Variants in AGBL4 observed in about 807,000 individuals in gnomAD.
AGBL4 encodes the protein cytosolic carboxypeptidase 6.
Under a neutral mutation model 66.4 loss-of-function variants are expected in AGBL4, and 58 were observed. The observed-to-expected ratio is 0.87, with a 90% confidence interval of 0.71 to 1.09. The LOEUF (loss-of-function observed/expected upper bound fraction) is 1.09, where lower values mean the gene tolerates loss of function less well. Ranked by LOEUF, AGBL4 falls within the 50% of genes least tolerant of loss-of-function variation. AGBL4 has a pLI of 0.00. For missense variants in AGBL4, 579 were observed against 631.0 expected, an observed-to-expected ratio of 0.92 and a Z score of 0.88; for synonymous variants, 234 against 222.9, an observed-to-expected ratio of 1.05 and a Z score of -0.44.
At chr1:49,751,505 G>C (rs117916581) in intron 2 of AGBL4, among the ~76,000 whole-genome samples, 5 of 152,102 alleles carry the variant, frequency 3.3e-5, no homozygotes, top group African/African-American at 1.2e-4. Flanking sequence ...GAGGATTTTC[G>C]CATAGAGATT....
At chr1:49,861,038 G>A (rs1434304607) in intron 1 of AGBL4, among the ~76,000 whole-genome samples, 1 of 152,138 alleles carries the variant, frequency 6.6e-6, no homozygotes, top group Non-Finnish European at 1.5e-5. Context: ...ACTCAGTGCT[G>A]TTCTGTTAGA....
intron 3 of AGBL4, among the ~76,000 whole-genome samples, chr1:49,291,746 G>A (rs1644537793): frequency 6.6e-6 from 1 of 152,220 alleles, no homozygotes; most frequent in Non-Finnish European, 1.5e-5. Context: ...CCTGTCTGGA[G>A]TGGCTGCTGC....
In AGBL4 at chr1:49,660,126, T is replaced by G. The variant is rs371418496; in HGVS notation, c.282+37187A>C. On this transcript the variant is annotated intron_variant, in intron 3 of 13. Coordinates refer to ENST00000371839, the MANE Select transcript of AGBL4 (RefSeq NM_032785.4). The stretch of plus-strand genomic sequence containing the variant: ...TAGGAGCTAATTAAACTAAAGTGCT[T>G]CTGCACAGCAAAAGAAACTATATCA... Among the ~76,000 whole-genome samples the G allele has an allele frequency of 3.3e-4, 50 of 152,244 alleles. 1 individual carries two copies. In the South Asian group the frequency reaches 9.5e-3, roughly 29 times the overall value.
the AGBL4 span, among the ~76,000 whole-genome samples, chr1:48,524,982 T>C: frequency 6.6e-6 from 1 of 152,098 alleles, no homozygotes; most frequent in Non-Finnish European, 1.5e-5. Flanking sequence ...TGTGAACTTC[T>C]GGAGGGAGAG....
intron 1 of AGBL4, among the ~76,000 whole-genome samples, chr1:49,965,786 A>C (rs974449879): frequency 1.3e-5 from 2 of 152,168 alleles, no homozygotes; most frequent in South Asian, 2.1e-4. Flanking sequence ...TGCTTCTTTG[A>C]CAGCTTTGTT....
At chr1:49,940,718 G>A (rs1419971173) in intron 1 of AGBL4, among the ~76,000 whole-genome samples, 3 of 152,006 alleles carry the variant, frequency 2.0e-5, no homozygotes, top group African/African-American at 7.2e-5. Flanking sequence ...GGGGTATGGG[G>A]GAGGGATAGC....
At chr1:49,228,420 G>A (rs1194076467) in intron 4 of AGBL4, among the ~76,000 whole-genome samples, 1 of 152,176 alleles carries the variant, frequency 6.6e-6, no homozygotes, top group Non-Finnish European at 1.5e-5. Context: ...GAGCAATAAT[G>A]GTGAGGTGGA....
intron 6 of AGBL4, among the ~76,000 whole-genome samples, chr1:48,772,996 T>C (rs1319484688): frequency 1.8e-4 from 28 of 152,076 alleles, no homozygotes; most frequent in Admixed American, 1.8e-3. Context: ...AAATCCTACA[T>C]AGCAGGACAT....
chr1:49,396,270 C>T (rs781321775), intron 3 of AGBL4, among the ~76,000 whole-genome samples: 100 of 151,346 alleles, frequency 6.6e-4, no homozygotes, highest in East Asian at 3.1e-3. Flanking sequence ...CAGGGAAATA[C>T]GCAAACATCC....
intron 6 of AGBL4, among the ~76,000 whole-genome samples, chr1:48,768,918 G>C (rs1338009796): frequency 6.6e-6 from 1 of 152,130 alleles, no homozygotes; most frequent in Non-Finnish European, 1.5e-5. Flanking sequence ...ATCCAAGGCA[G>C]ACAAAATTCT....
intron 1 of AGBL4, among the ~76,000 whole-genome samples, chr1:50,012,999 C>A (rs1222397445): frequency 6.6e-6 from 1 of 152,124 alleles, no homozygotes; most frequent in African/African-American, 2.4e-5. Flanking sequence ...TTACAACACC[C>A]ATTGTCTCAG....
intron 3 of AGBL4, among the ~76,000 whole-genome samples, chr1:49,436,247 G>A (rs760156059): frequency 1.2e-4 from 18 of 152,140 alleles, no homozygotes; most frequent in Non-Finnish European, 2.2e-4. Context: ...CTAGAAGTCG[G>A]TAAGTATAAC....
intron 11 of AGBL4, among the ~76,000 whole-genome samples, chr1:48,560,909 C>T (rs1644386725): frequency 6.6e-6 from 1 of 152,074 alleles, no homozygotes; most frequent in African/African-American, 2.4e-5. Flanking sequence ...AGCTCTCATT[C>T]TTCATTTCTT....
intron 3 of AGBL4, among the ~76,000 whole-genome samples, chr1:49,559,864 T>C (rs1345940774): frequency 1.3e-5 from 2 of 152,168 alleles, no homozygotes; most frequent in African/African-American, 4.8e-5. Flanking sequence ...AATTGTACTT[T>C]GTGATAGTGT....
chr1:49,532,350 C>T (rs929787470), intron 3 of AGBL4, among the ~76,000 whole-genome samples: 48 of 152,006 alleles, frequency 3.2e-4, no homozygotes, highest in African/African-American at 1.1e-3. Context: ...CAAATGGATA[C>T]AAAAGAGCTG....
chr1:49,556,472 C>G (rs1337971827), intron 3 of AGBL4, among the ~76,000 whole-genome samples: 1 of 151,308 alleles, frequency 6.6e-6, no homozygotes, highest in African/African-American at 2.4e-5. Flanking sequence ...CAAACCTGCA[C>G]ATTGTGCACA....
chr1:49,417,947 C>T (rs1031005298), intron 3 of AGBL4, among the ~76,000 whole-genome samples: 5 of 152,112 alleles, frequency 3.3e-5, no homozygotes, highest in African/African-American at 1.2e-4. Context: ...AGAAAGGAGA[C>T]TTTTCAGCTT....
intron 5 of AGBL4, among the ~76,000 whole-genome samples, chr1:49,031,287 C>T (rs1165000322): frequency 6.6e-6 from 1 of 151,584 alleles, no homozygotes; most frequent in Non-Finnish European, 1.5e-5. Context: ...GGGATTTTGC[C>T]ATGTTTTAAA....
chr1:49,990,154 A>C (rs986143810), intron 1 of AGBL4, among the ~76,000 whole-genome samples: 2 of 152,238 alleles, frequency 1.3e-5, no homozygotes, highest in African/African-American at 4.8e-5. Flanking sequence ...ATACTGGTAT[A>C]ATTTTTATAA....
Sources: gnomAD v4.1 joint callset for allele counts (sites outside exome capture counted in the v4.1 genomes callset) on GRCh38, gnomAD v4.1.1 for gene constraint, MANE v1.5 for transcripts, NCBI Gene and HGNC (gene_info 2026-07-23, HGNC 2026-07-21) for gene names.